The following OSBPL8 variants were observed in gnomAD, a reference collection of about 807,000 sequenced individuals.
The protein encoded by OSBPL8 is oxysterol-binding protein-related protein 8.
In OSBPL8, 59 loss-of-function variants were observed where a neutral mutation model predicts 125.5. That is an observed-to-expected ratio of 0.47 (90% CI 0.38 to 0.58). OSBPL8 has a LOEUF of 0.58. Among genes scored for constraint, OSBPL8 ranks in the 20% least tolerant of loss-of-function variants. OSBPL8 has a pLI of 0.00. For synonymous variants in OSBPL8, 330 were observed against 338.9 expected, an observed-to-expected ratio of 0.97 and a Z score of 0.29; for missense variants, 758 against 1,047.8, an observed-to-expected ratio of 0.72 and a Z score of 3.82.
At chr12:76,543,350 A>C (rs891085478) in intron 1 of OSBPL8, among the ~76,000 whole-genome samples, 1 of 152,330 alleles carries the variant, frequency 6.6e-6, no homozygotes. Flanking sequence ...AAAGTCCACC[A>C]TCTGGGAGTT....
chr12:76,555,139 T>C (rs1212215217), intron 1 of OSBPL8, among the ~76,000 whole-genome samples: 1 of 152,124 alleles, frequency 6.6e-6, no homozygotes, highest in Non-Finnish European at 1.5e-5. Flanking sequence ...AAACAGAAAA[T>C]ATTTTTGGTA....
At chr12:76,506,653 A>T (rs1239580727) in intron 1 of OSBPL8, among the ~76,000 whole-genome samples, 1 of 152,212 alleles carries the variant, frequency 6.6e-6, no homozygotes, top group Non-Finnish European at 1.5e-5. Context: ...CTAAAAAAGG[A>T]AGCAAGATGA....
chr12:76,457,453 A>AT (rs1378514786), intron 3 of OSBPL8, among the ~76,000 whole-genome samples: 1 of 151,980 alleles, frequency 6.6e-6, no homozygotes, highest in Non-Finnish European at 1.5e-5. Flanking sequence ...CCTTTCCTTT[A>AT]TTTTTTCTAT....
intron 7 of OSBPL8, among the ~76,000 whole-genome samples, chr12:76,398,252 A>G (rs1411870922): frequency 6.6e-6 from 1 of 152,176 alleles, no homozygotes; most frequent in Non-Finnish European, 1.5e-5. Context: ...ATTTGTGTGC[A>G]TATGATGATT....
At chr12:76,376,760 C>A (rs1357968878) in intron 16 of OSBPL8, among the ~76,000 whole-genome samples, 1 of 151,964 alleles carries the variant, frequency 6.6e-6, no homozygotes, top group African/African-American at 2.4e-5. Flanking sequence ...GCTGGGTTGG[C>A]CTTCGATAAG....
chr12:76,368,359 T>C (rs1048756681), intron 21 of OSBPL8, among the ~76,000 whole-genome samples: 1 of 152,194 alleles, frequency 6.6e-6, no homozygotes, highest in East Asian at 1.9e-4. Flanking sequence ...TTTTGACAGT[T>C]TGTTGTGGTG....
chr12:76,364,473 G>C (rs997833442), intron 21 of OSBPL8, among the ~76,000 whole-genome samples: 5 of 152,040 alleles, frequency 3.3e-5, no homozygotes, highest in Admixed American at 3.3e-4. Flanking sequence ...ACACAGGCAG[G>C]GGAACATCAC....
chr12:76,412,707 A>G (rs1868279828), intron 4 of OSBPL8, among the ~76,000 whole-genome samples: 2 of 152,200 alleles, frequency 1.3e-5, no homozygotes, highest in African/African-American at 4.8e-5. Flanking sequence ...ACAATGCCAC[A>G]CACACAAAAA....
At chr12:76,482,640 C>CT (rs1038398882) in intron 2 of OSBPL8, among the ~76,000 whole-genome samples, 2 of 152,018 alleles carry the variant, frequency 1.3e-5, no homozygotes, top group Non-Finnish European at 2.9e-5. Context: ...GATAGAGTGA[C>CT]TATCCTTAAG....
At chr12:76,405,910 A>G (rs992018831) in intron 5 of OSBPL8, among the ~76,000 whole-genome samples, 10 of 151,918 alleles carry the variant, frequency 6.6e-5, no homozygotes, top group African/African-American at 2.4e-4. Context: ...TATATTTTTT[A>G]CTTCTTTCCT....
intron 1 of OSBPL8, among the ~76,000 whole-genome samples, chr12:76,490,473 TTGACCTCAGAAAGAGCC>T (rs1345805040): frequency 6.6e-6 from 1 of 152,186 alleles, no homozygotes; most frequent in Non-Finnish European, 1.5e-5. Context: ...GAGAAGCAGC[TTGACCTCAGAAAGAGCC>T]TGATGGCGTA....
intron 1 of OSBPL8, among the ~76,000 whole-genome samples, chr12:76,514,134 T>A (rs1224586292): frequency 6.6e-6 from 1 of 152,028 alleles, no homozygotes; most frequent in Non-Finnish European, 1.5e-5. Context: ...ACCCTCAACA[T>A]TTGCTTGTCT....
intron 4 of OSBPL8, among the ~76,000 whole-genome samples, chr12:76,413,821 T>C (rs568164528): frequency 6.6e-6 from 1 of 152,304 alleles, no homozygotes; most frequent in South Asian, 2.1e-4. Context: ...TAAGAATTCT[T>C]GATATAGTCT....
At chr12:76,501,094 TACAC>T (rs113039903) in intron 1 of OSBPL8, among the ~76,000 whole-genome samples, 4 of 150,964 alleles carry the variant, frequency 2.6e-5, no homozygotes, top group South Asian at 2.1e-4. Context: ...TGTGTATCTT[TACAC>T]ACACACACAC....
chr12:76,450,924 T>C lies in OSBPL8; in HGVS notation c.144A>G (p.Gly48=). The C allele has an allele frequency of 6.2e-7, 1 of 1,614,114 alleles. No individual in the cohort carries two copies. The highest frequency in any genetic ancestry group is 8.5e-7 in the Non-Finnish European group (1 of 1,179,988). The change falls in exon 4 of 24, where the codon GGA becomes GGG. Residue 48 remains glycine, a synonymous_variant. Transcript: ENST00000261183. ...TGGTTGGCGTTGGATAAGCTTCTTT[T>C]CCTTGGCGCTGACTCATCTTTCCTG... The part of the protein sequence containing the change: ...LTPGKMSQRQ[G]KEAYPTPTKD...
intron 3 of OSBPL8, among the ~76,000 whole-genome samples, chr12:76,451,674 C>T (rs1323469813): frequency 2.0e-5 from 3 of 152,184 alleles, no homozygotes; most frequent in Non-Finnish European, 2.9e-5. Flanking sequence ...TTTGGCCATC[C>T]TACTATCTAT....
chr12:76,356,637 T>C lies in OSBPL8; in HGVS notation c.2526A>G (p.Glu842=). ...CATTATATTATTACCTTTTAATTTC[T>C]TCCTGTGTTTGTTTTATAGATTCGA... ...SSIESIKQTQ[E]EIKRNIMALR... is the part of the protein sequence containing the mutation. Residue 842 remains glutamate, a synonymous_variant, in exon 23 of 24, where the codon GAA becomes GAG. Coordinates refer to ENST00000261183, the MANE Select transcript of OSBPL8 (RefSeq NM_020841.5). The C allele has an allele frequency of 6.3e-7, 1 of 1,594,166 alleles. No homozygotes were observed. The highest frequency in any genetic ancestry group is 1.1e-5 in the South Asian group (1 of 89,990).
At position 76,497,944 on chromosome 12, in the gene OSBPL8, A is replaced by C. The variant is rs113154483; in HGVS notation, c.-67-10326T>G. ...TAGATTGTTTTTGTTGAACACTTTC[A>C]ACACTTTTCAACACAAAGCAACTGT... On this transcript the variant is annotated intron_variant, in intron 1 of 23. Coordinates refer to ENST00000261183, the MANE Select transcript of OSBPL8 (RefSeq NM_020841.5). Among the ~76,000 whole-genome samples, 567 of 152,340 alleles carry C rather than the reference A, an allele frequency of 3.7e-3. 7 individuals are homozygous for C. The highest frequency in any genetic ancestry group is 0.013 in the African/African-American group (544 of 41,572).
intron 4 of OSBPL8, among the ~76,000 whole-genome samples, chr12:76,421,052 A>G (rs1171313513): frequency 1.3e-5 from 2 of 152,058 alleles, no homozygotes; most frequent in African/African-American, 4.8e-5. Context: ...AATAAGTACC[A>G]AACTTAAAAG....
Sources: allele counts gnomAD v4.1 joint callset (sites outside exome capture counted in the v4.1 genomes callset), GRCh38; gene constraint gnomAD v4.1.1; transcripts MANE v1.5; gene names NCBI Gene and HGNC (gene_info 2026-07-23, HGNC 2026-07-21).